Variants in SLC38A4 observed in about 807,000 individuals in gnomAD.
SLC38A4 encodes the protein sodium-coupled neutral amino acid transporter 4.
A neutral mutation model predicts 63.1 loss-of-function variants in SLC38A4; 20 were observed. That is an observed-to-expected ratio of 0.32 (90% CI 0.22 to 0.46). The LOEUF (loss-of-function observed/expected upper bound fraction) is 0.46, where lower values mean the gene tolerates loss of function less well. Ranked by LOEUF, SLC38A4 falls within the 20% of genes least tolerant of loss-of-function variation. The probability of loss-of-function intolerance (pLI) is 1.00; values close to 1 mark genes in which losing one functional copy is unlikely to be tolerated. For missense variants in SLC38A4, 526 were observed against 663.6 expected (o/e 0.79, Z 2.28); for synonymous variants, 230 against 225.5 (o/e 1.02, Z -0.18).
intron 1 of SLC38A4, among the ~76,000 whole-genome samples, chr12:46,824,148 A>G (rs1025059314): frequency 1.3e-5 from 2 of 152,182 alleles, no homozygotes; most frequent in African/African-American, 4.8e-5. Context: ...TATGTGTCTG[A>G]GCATAGATAG....
chr12:46,797,661 A>T (rs1228838238), intron 2 of SLC38A4, among the ~76,000 whole-genome samples: 9 of 152,244 alleles, frequency 5.9e-5, no homozygotes, highest in African/African-American at 2.2e-4. Context: ...CTGTCTATTT[A>T]TCTCCAGTTG....
At chr12:46,777,375 T>G (rs895579520) in intron 12 of SLC38A4, among the ~76,000 whole-genome samples, 1 of 151,946 alleles carries the variant, frequency 6.6e-6, no homozygotes, top group Non-Finnish European at 1.5e-5. Context: ...AAGAACCTAG[T>G]AGAGTCAGCA....
intron 7 of SLC38A4, among the ~76,000 whole-genome samples, chr12:46,781,372 G>A (rs1483378201): frequency 6.6e-6 from 1 of 152,068 alleles, no homozygotes; most frequent in East Asian, 1.9e-4. Context: ...CTTACAGAGT[G>A]TGAACACAGG....
intron 2 of SLC38A4, among the ~76,000 whole-genome samples, chr12:46,795,472 C>A (rs1043510982): frequency 2.0e-5 from 3 of 152,026 alleles, no homozygotes; most frequent in Non-Finnish European, 4.4e-5. Context: ...ACTTTGAAAG[C>A]AAATTTTCTA....
chr12:46,830,074 C>CA (rs57477526), upstream of SLC38A4, among the ~76,000 whole-genome samples: 1 of 151,736 alleles, frequency 6.6e-6, no homozygotes, highest in African/African-American at 2.4e-5. Context: ...CAGCAGCCTC[C>CA]AAAAAAAGTT....
At chr12:46,787,389 A>G (rs1432057188) in intron 5 of SLC38A4, among the ~76,000 whole-genome samples, 1 of 152,146 alleles carries the variant, frequency 6.6e-6, no homozygotes, top group Non-Finnish European at 1.5e-5. Flanking sequence ...GGCGCGCAGT[A>G]TTCAGGTGAG....
At chr12:46,831,362 A>G (rs1939729074) in intron 1 of SLC38A4, among the ~76,000 whole-genome samples, 1 of 151,442 alleles carries the variant, frequency 6.6e-6, no homozygotes, top group African/African-American at 2.4e-5. Context: ...TCTTCTCTCA[A>G]TTTTTCCTCC....
chr12:46,815,476 G>A (rs57747279), intron 1 of SLC38A4, among the ~76,000 whole-genome samples: 256 of 151,462 alleles, frequency 1.7e-3, no homozygotes, highest in Non-Finnish European at 3.0e-3. Flanking sequence ...TAGTAAAGAA[G>A]GCATGTGTCT....
rs1418523561 is a variant in SLC38A4 at position 46,775,158 on chromosome 12, T to A, written c.1190A>T (p.Glu397Val). Residue 397 changes from glutamate (E) to valine (V), a missense_variant, in exon 14 of 17, where the codon GAA becomes GTA. Coordinates refer to ENST00000266579, the MANE Select transcript of SLC38A4 (RefSeq NM_018018.5). ...CACTTTGCTGTAGGCATGAAGTAAT[T>A]CATCTTCAACTTCTCCTACAACAGG... ...YLTFYGEVEDELLHAYSKVYT... is the reference protein window; with the variant it reads ...YLTFYGEVEDVLLHAYSKVYT... The A allele has an allele frequency of 1.9e-6, 3 of 1,611,756 alleles. No individual in the cohort carries two copies. Among genetic ancestry groups the A allele is most frequent in the Non-Finnish European group, 2.5e-6 (3 of 1,178,676 alleles).
intron 5 of SLC38A4, among the ~76,000 whole-genome samples, chr12:46,786,840 T>G (rs999357881): frequency 4.6e-5 from 7 of 152,196 alleles, no homozygotes; most frequent in Admixed American, 2.6e-4. Flanking sequence ...ACTAATCATA[T>G]GTGATATTCA....
intron 2 of SLC38A4, among the ~76,000 whole-genome samples, chr12:46,797,704 A>G (rs1292860512): frequency 6.6e-6 from 1 of 152,128 alleles, no homozygotes. Flanking sequence ...TGATGAATAC[A>G]TATACCAAAG....
chr12:46,817,813 T>A (rs1005819577), intron 1 of SLC38A4, among the ~76,000 whole-genome samples: 3 of 152,052 alleles, frequency 2.0e-5, no homozygotes, highest in Middle Eastern at 3.4e-3. Context: ...TGAAGCAAAT[T>A]CATACTATGA....
At chr12:46,815,379 C>T (rs894435239) in intron 1 of SLC38A4, among the ~76,000 whole-genome samples, 3 of 149,780 alleles carry the variant, frequency 2.0e-5, no homozygotes, top group Admixed American at 6.7e-5. Context: ...TAAATTAAGA[C>T]CACTTTTTGC....
chr12:46,779,724 A>T, intron 9 of SLC38A4, 55 bp from the exon 10 acceptor site: 8 of 1,584,606 alleles, frequency 5.0e-6, no homozygotes, highest in Non-Finnish European at 6.9e-6. Flanking sequence ...CAATTAGCTA[A>T]CCTATTTAAA....
Position 46,775,031 on chromosome 12 carries a change from A to G in SLC38A4, c.1299+18T>C, listed in dbSNP as rs1345129098. 5.0e-6 allele frequency: 8 copies of G among 1,608,650 alleles called. No homozygotes were observed. The highest frequency in any genetic ancestry group is 1.7e-5 in the Admixed American group (1 of 59,186). ...TGGGGTCAAGTAGGTTTCTTTCATC[A>G]AAGTCTTATGTACTTACTGGGAAGA... On this transcript the variant is annotated intron_variant, in intron 14 of 16. Coordinates refer to ENST00000266579, the MANE Select transcript of SLC38A4 (RefSeq NM_018018.5).
chr12:46,777,332 G>T (rs1938550061), intron 12 of SLC38A4, among the ~76,000 whole-genome samples: 1 of 151,852 alleles, frequency 6.6e-6, no homozygotes, highest in South Asian at 2.1e-4. Context: ...GAAAGCTTTT[G>T]CATTTCATAA....
rs772819758 is a variant in SLC38A4, at chr12:46,775,156, A to T, written c.1192T>A (p.Leu398Ile). Residue 398 changes from leucine (L) to isoleucine (I), a missense_variant, in exon 14 of 17, where the codon TTA (leucine) becomes ATA (isoleucine). Physicochemically the swap from Leu to Ile is conservative, Grantham distance 5. Transcript: ENST00000266579. ...TACACTTTGCTGTAGGCATGAAGTA[A>T]TTCATCTTCAACTTCTCCTACAACA... Reference protein sequence around the residue: ...LTFYGEVEDELLHAYSKVYTL... With the variant: ...LTFYGEVEDEILHAYSKVYTL... The T allele has an allele frequency of 1.2e-6, 2 of 1,611,742 alleles. No homozygotes were observed.
chr12:46,792,873 T>A, intron 3 of SLC38A4, 80 bp downstream of exon 3: 1 of 976,842 alleles, frequency 1.0e-6, no homozygotes, highest in Admixed American at 1.8e-5. Context: ...TAAATCCAGT[T>A]CTTCCCATCA....
intron 16 of SLC38A4, 45 bp downstream of exon 16, chr12:46,768,265 T>C (rs752209682): frequency 1.5e-5 from 21 of 1,379,688 alleles, no homozygotes; most frequent in Non-Finnish European, 1.9e-5. Flanking sequence ...TTCTAAGTAG[T>C]TGGAAGAACA....
Sources: gnomAD v4.1 joint callset for allele counts (sites outside exome capture counted in the v4.1 genomes callset) on GRCh38, gnomAD v4.1.1 for gene constraint, MANE v1.5 for transcripts, NCBI Gene and HGNC (gene_info 2026-07-23, HGNC 2026-07-21) for gene names.